NEB: variants seen among roughly 807,000 people sequenced by gnomAD.
The protein encoded by NEB is nemaline myopathy type 2.
NEB carries 512 observed loss-of-function variants against 952.2 expected under a neutral mutation model. The ratio of observed to expected loss-of-function variants is 0.54; its 90% CI spans 0.50 to 0.58. The LOEUF is 0.58. Ranked by LOEUF, NEB falls within the 20% of genes least tolerant of loss-of-function variation. NEB has a pLI of 0.00. For missense variants in NEB, 8,428 were observed against 9,231.1 expected, an observed-to-expected ratio of 0.91 and a Z score of 3.56; for synonymous variants, 2,900 against 3,149.8, an observed-to-expected ratio of 0.92 and a Z score of 2.66.
intron 92 of NEB, among the ~76,000 whole-genome samples, chr2:151,595,312 A>G (rs2097402173): frequency 2.0e-5 from 3 of 150,724 alleles, no homozygotes; most frequent in Non-Finnish European, 4.5e-5. Flanking sequence ...ACGCAATGGC[A>G]TGATCTCGGC....
intron 161 of NEB, among the ~76,000 whole-genome samples, chr2:151,510,760 T>C (rs773191447): frequency 1.3e-5 from 2 of 152,220 alleles, no homozygotes; most frequent in Non-Finnish European, 2.9e-5. Flanking sequence ...TTAGGTATTG[T>C]CTGTAATTTC....
At chr2:151,574,053 T>A (rs764742104) in intron 107 of NEB, among the ~76,000 whole-genome samples, 10 of 152,132 alleles carry the variant, frequency 6.6e-5, no homozygotes, top group South Asian at 2.1e-4. Context: ...GGCTTACTGC[T>A]AGCTCCGCCT....
In NEB at chr2:151,662,138, G is replaced by T. The variant is rs371151246; in HGVS notation, c.5967C>A (p.Asn1989Lys). The T allele has an allele frequency of 2.2e-5, 36 of 1,608,920 alleles. No individual in the cohort carries two copies. Among genetic ancestry groups the T allele is most frequent in the Non-Finnish European group, 2.9e-5 (34 of 1,176,292 alleles). ...ACTGCATTATTGAAAGACTTACTTC[G>T]TTCATAATTTTTGCATTATTCTGGG... ...VLAQNNAKIM[N>K]EHLYKQAWEA... Residue 1989 changes from asparagine to lysine, a missense_variant, in exon 46 of 182, where the codon AAC becomes AAA. By Grantham distance (94) the Asn-to-Lys change is moderately conservative. This residue lies in a region of NEB where 2,851 missense variants were observed against 2,791.5 expected (regional missense o/e 1.02). Coordinates refer to ENST00000397345, the MANE Select transcript of NEB (RefSeq NM_001164508.2).
chr2:151,678,870 G>A (rs2099393734), intron 32 of NEB, among the ~76,000 whole-genome samples: 1 of 152,090 alleles, frequency 6.6e-6, no homozygotes, highest in African/African-American at 2.4e-5. Flanking sequence ...GTGGGACAGG[G>A]GCATTTCAGA....
chr2:151,650,422 T>C, intron 53 of NEB, 43 bp from the exon 54 acceptor site: 2 of 1,583,990 alleles, frequency 1.3e-6, no homozygotes, highest in Non-Finnish European at 1.7e-6. Context: ...CATTCTCACC[T>C]GGACCCTTGA....
chr2:151,555,884 A>C (rs941266943), intron 124 of NEB, among the ~76,000 whole-genome samples: 2 of 151,592 alleles, frequency 1.3e-5, no homozygotes, highest in South Asian at 2.1e-4. Context: ...AAAAAAAAAA[A>C]ACACATACAC....
At chr2:151,659,275 G>A in intron 46 of NEB, 106 bp from the exon 47 acceptor site, 1 of 625,706 alleles carries the variant, frequency 1.6e-6, no homozygotes, top group Admixed American at 2.8e-5. Flanking sequence ...ATTTTTATTA[G>A]CTAGGTTTAA....
At position 151,610,539 on chromosome 2, in the gene NEB, C is replaced by T. The variant is rs1254335909; in HGVS notation, c.11995G>A (p.Ala3999Thr). The change falls in exon 80 of 182, where the codon GCC becomes ACC. Residue 3999 changes from alanine (A) to threonine (T), a missense_variant. Coordinates refer to ENST00000397345, the MANE Select transcript of NEB (RefSeq NM_001164508.2). Reference sequence around the variant, plus strand: ...ACGTCACTGGCGATGTCCCTGGAGGCCTTGGCACTTTTGATGGAAATAGCA... The same window carrying T: ...ACGTCACTGGCGATGTCCCTGGAGGTCTTGGCACTTTTGATGGAAATAGCA... ...ADAISIKSAK[A>T]SRDIASDYKY... 1 of 1,612,580 alleles carries T rather than the reference C, an allele frequency of 6.2e-7. No individual in the cohort carries two copies. Among genetic ancestry groups the T allele is most frequent in the Admixed American group, 1.7e-5 (1 of 60,002 alleles).
intron 168 of NEB, 166 bp from the exon 169 acceptor site, chr2:151,499,556 G>T: frequency 8.2e-6 from 4 of 489,068 alleles, no homozygotes; most frequent in South Asian, 2.7e-5. Context: ...AACATGTTTT[G>T]TATTTCCTTA....
At position 151,671,154 on chromosome 2, in the gene NEB, TCTC is replaced by T; in HGVS notation, c.4372_4374del (p.Glu1458del). The stretch of plus-strand genomic sequence containing the variant: ...AATGCATCGCCTGCTTTCTTGACCT[TCTC>T]CACCTCCAGGGAACCAATAGGGATC... On this transcript the variant is annotated inframe_deletion, in exon 38 of 182. Transcript: ENST00000397345. 6.2e-7 allele frequency: 1 copy of T among 1,613,916 alleles called. No homozygotes were observed. The highest frequency in any genetic ancestry group is 1.6e-4 in the Middle Eastern group (1 of 6,062).
chr2:151,650,527 T>A, intron 53 of NEB, 47 bp downstream of exon 53: 4 of 1,503,762 alleles, frequency 2.7e-6, no homozygotes, highest in Non-Finnish European at 3.6e-6. Context: ...GCTACTCATA[T>A]AAAATATGAA....
At chr2:151,493,599 G>C (rs182556846) in intron 175 of NEB, among the ~76,000 whole-genome samples, 154 bp from the exon 176 acceptor site, 217 of 152,288 alleles carry the variant, frequency 1.4e-3, no homozygotes, top group Non-Finnish European at 1.2e-3. Context: ...AAAAGTTTAA[G>C]AAAGAAGTAA....
intron 120 of NEB, 48 bp from the exon 121 acceptor site, chr2:151,562,262 C>A (rs948477679): frequency 6.3e-6 from 9 of 1,435,562 alleles, no homozygotes; most frequent in Non-Finnish European, 8.8e-6. Context: ...TCTGAATTTA[C>A]AATTGAGCAT....
At chr2:151,722,576 C>T (rs991913909) in intron 9 of NEB, among the ~76,000 whole-genome samples, 1 of 152,088 alleles carries the variant, frequency 6.6e-6, no homozygotes, top group Admixed American at 6.6e-5. Flanking sequence ...ATGGAGGTCT[C>T]GCTGTTGCCC....
chr2:151,510,714 G>A (rs1453049429), intron 161 of NEB, among the ~76,000 whole-genome samples: 1 of 152,088 alleles, frequency 6.6e-6, no homozygotes, highest in Non-Finnish European at 1.5e-5. Context: ...CTTTGTCATA[G>A]GTGTATATGT....
At chr2:151,699,111 T>C (rs2099624855) in intron 13 of NEB, among the ~76,000 whole-genome samples, 1 of 141,036 alleles carries the variant, frequency 7.1e-6, no homozygotes, top group African/African-American at 2.7e-5. Flanking sequence ...GAATATGCGG[T>C]GTTTGGTTTT....
chr2:151,536,742 T>C (rs2093273746), intron 141 of NEB, among the ~76,000 whole-genome samples: 1 of 152,190 alleles, frequency 6.6e-6, no homozygotes, highest in Non-Finnish European at 1.5e-5. Flanking sequence ...CTTTATGTTG[T>C]AAATAGGAAA....
chr2:151,561,383 C>A, intron 121 of NEB, 71 bp from the exon 122 acceptor site: 1 of 1,028,976 alleles, frequency 9.7e-7, no homozygotes, highest in Non-Finnish European at 1.5e-6. Flanking sequence ...CTGCTTGTGC[C>A]AACTTACATG....
At position 151,675,308 on chromosome 2, in the gene NEB, G is replaced by T. The variant is rs1386238241; in HGVS notation, c.3858C>A (p.Cys1286Ter). The T allele has an allele frequency of 6.3e-7, 1 of 1,589,668 alleles. No individual in the cohort carries two copies. The highest frequency in any genetic ancestry group is 8.6e-7 in the Non-Finnish European group (1 of 1,164,752). The change falls in exon 35 of 182, where the codon TGC (cysteine) becomes TGA (stop). Residue 1286 changes from cysteine to a stop codon, truncating the protein, a stop_gained. Transcript: ENST00000397345. LOFTEE classifies it high-confidence loss of function. The part of the protein sequence containing the change: ...PDLPQFLQAK[C>*]NAYNISDVCY... ...TTACGTCACTTATATTGTAAGCATT[G>T]CACTTGGCCTGGAGAAACTGAGGAA...
Sources: allele counts gnomAD v4.1 joint callset (sites outside exome capture counted in the v4.1 genomes callset), GRCh38; gene constraint gnomAD v4.1.1; regional missense constraint gnomAD v4.1.1; transcripts MANE v1.5; gene names NCBI Gene and HGNC (gene_info 2026-07-23, HGNC 2026-07-21).